TTC39C: variants seen among roughly 807,000 people sequenced by gnomAD.
TTC39C encodes tetratricopeptide repeat domain 39C.
Under a neutral mutation model 76.3 loss-of-function variants are expected in TTC39C, and 33 were observed. The ratio of observed to expected loss-of-function variants is 0.43; its 90% CI spans 0.33 to 0.58. The LOEUF (loss-of-function observed/expected upper bound fraction) is 0.58. Ranked by LOEUF, TTC39C falls within the 20% of genes least tolerant of loss-of-function variation. The pLI is 0.04. For missense variants in TTC39C, 595 were observed against 701.4 expected, an observed-to-expected ratio of 0.85 and a Z score of 1.71; for synonymous variants, 254 against 260.6, an observed-to-expected ratio of 0.97 and a Z score of 0.24.
chr18:24,085,954 A>T lies in TTC39C; in HGVS notation c.984+2873A>T, dbSNP rs143018143. Among the ~76,000 whole-genome samples the T allele has an allele frequency of 3.3e-3, 505 of 152,334 alleles. 2 individuals are homozygous for T. The highest frequency in any genetic ancestry group is 5.4e-3 in the Non-Finnish European group (367 of 68,034). ...TTCATTGCTCTTCCCAGGTATGTGT[A>T]GGACGGTATCAGAAATGACCATGTC... On this transcript the variant is annotated intron_variant, in intron 6 of 13. Coordinates refer to ENST00000317571, the MANE Select transcript of TTC39C (RefSeq NM_001135993.2).
chr18:24,079,096 G>C (rs1393477543), intron 4 of TTC39C, among the ~76,000 whole-genome samples: 1 of 152,194 alleles, frequency 6.6e-6, no homozygotes, highest in Non-Finnish European at 1.5e-5. Flanking sequence ...AAAGGGCCTG[G>C]AAGTCTGACA....
At chr18:24,009,607 A>C (rs1314985242) in intron 1 of TTC39C, among the ~76,000 whole-genome samples, 1 of 152,222 alleles carries the variant, frequency 6.6e-6, no homozygotes, top group Non-Finnish European at 1.5e-5. Flanking sequence ...GAATGAAACT[A>C]TCTGAAGACC....
At chr18:24,104,390 G>A (rs2084718123) in intron 6 of TTC39C, among the ~76,000 whole-genome samples, 1 of 152,052 alleles carries the variant, frequency 6.6e-6, no homozygotes, top group Non-Finnish European at 1.5e-5. Context: ...GGGCTGCCTC[G>A]GGGCCTTTGT....
At chr18:24,109,451 G>C (rs7244219) in intron 6 of TTC39C, among the ~76,000 whole-genome samples, 1 of 152,076 alleles carries the variant, frequency 6.6e-6, no homozygotes, top group African/African-American at 2.4e-5. Context: ...AGTTGGCCTA[G>C]AATTGGGTAG....
intron 8 of TTC39C, among the ~76,000 whole-genome samples, chr18:24,119,061 A>G (rs1294832368): frequency 6.6e-6 from 1 of 152,200 alleles, no homozygotes; most frequent in Non-Finnish European, 1.5e-5. Flanking sequence ...TATTTACAGT[A>G]TAATATTTTA....
intron 6 of TTC39C, among the ~76,000 whole-genome samples, chr18:24,098,940 C>CT (rs2084636137): frequency 6.7e-6 from 1 of 149,436 alleles, no homozygotes; most frequent in Non-Finnish European, 1.5e-5. Context: ...CCCAGGCTTT[C>CT]TTTTTTTAAT....
Position 24,118,149 on chromosome 18 carries a change from A to C in TTC39C, c.1103A>C (p.Asn368Thr), listed in dbSNP as rs746784347. 2.5e-6 allele frequency: 4 copies of C among 1,613,962 alleles called. No individual in the cohort carries two copies. Among genetic ancestry groups the C allele is most frequent in the Non-Finnish European group, 3.4e-6 (4 of 1,179,954 alleles). Reference sequence around the variant, plus strand: ...GGTTGGTGCAGCATGATAGAGCTCAATTTCAAGGATGCATTTGATTCCTTT... The same window carrying C: ...GGTTGGTGCAGCATGATAGAGCTCACTTTCAAGGATGCATTTGATTCCTTT... ...EIGWCSMIEL[N>T]FKDAFDSFER... The change falls in exon 8 of 14, where the codon AAT (asparagine) becomes ACT (threonine). Residue 368 changes from asparagine to threonine, a missense_variant. Transcript: ENST00000317571.
intron 1 of TTC39C, among the ~76,000 whole-genome samples, chr18:24,045,684 A>G (rs2083860035): frequency 6.6e-6 from 1 of 151,826 alleles, no homozygotes. Context: ...AATAGATGAA[A>G]TTTAATTATA....
chr18:23,996,614 C>A (rs2083263295), intron 1 of TTC39C, among the ~76,000 whole-genome samples: 2 of 152,224 alleles, frequency 1.3e-5, no homozygotes, highest in South Asian at 4.1e-4. Flanking sequence ...CATGTGTGCA[C>A]CTGTGCACAT....
chr18:24,135,284 C>T lies in TTC39C; in HGVS notation c.*2710C>T, dbSNP rs1298694339. 1 of 152,252 alleles carries T rather than the reference C, an allele frequency of 6.6e-6. No homozygotes were observed. The highest frequency in any genetic ancestry group is 1.5e-5 in the Non-Finnish European group (1 of 68,040). 9.4% of individuals were successfully genotyped at this position (152,252 alleles called of 1,614,324 possible). On this transcript the variant is annotated 3_prime_UTR_variant, in exon 14 of 14. Transcript: ENST00000317571. Reference sequence around the variant, plus strand: ...TCAAAATGCTTACAGGCATGAACCACTGTGACCGGCCAGGTCTTTTTTTTT... The same window carrying T: ...TCAAAATGCTTACAGGCATGAACCATTGTGACCGGCCAGGTCTTTTTTTTT...
chr18:24,034,860 G>A (rs564560772), intron 1 of TTC39C, among the ~76,000 whole-genome samples: 82 of 152,194 alleles, frequency 5.4e-4, no homozygotes, highest in African/African-American at 1.9e-3. Flanking sequence ...GCCACATTTT[G>A]TTTATCCATT....
At chr18:24,075,162 A>G (rs11661995) in intron 4 of TTC39C, among the ~76,000 whole-genome samples, 2 of 148,060 alleles carry the variant, frequency 1.4e-5, no homozygotes, top group South Asian at 2.2e-4. Flanking sequence ...GGGTGGGGGG[A>G]GTGGGGAGGG....
chr18:24,034,855 AT>A (rs544091886), intron 1 of TTC39C, among the ~76,000 whole-genome samples: 82 of 152,264 alleles, frequency 5.4e-4, no homozygotes, highest in African/African-American at 1.9e-3. Context: ...TATATGCCAC[AT>A]TTTGTTTATC....
intron 8 of TTC39C, 22 bp from the exon 9 acceptor site, chr18:24,123,812 A>T (rs1199425988): frequency 6.4e-7 from 1 of 1,569,084 alleles, no homozygotes; most frequent in Admixed American, 1.8e-5. Flanking sequence ...TACTTAAGAA[A>T]TATAATTATG....
intron 6 of TTC39C, among the ~76,000 whole-genome samples, chr18:24,095,959 G>A (rs1206539507): frequency 6.6e-6 from 1 of 152,160 alleles, no homozygotes; most frequent in Non-Finnish European, 1.5e-5. Context: ...GAGAAAGAAG[G>A]GGGAATGGCT....
intron 1 of TTC39C, among the ~76,000 whole-genome samples, chr18:24,046,031 T>C (rs372559451): frequency 1.3e-3 from 189 of 141,058 alleles, no homozygotes; most frequent in East Asian, 6.9e-3. Context: ...CTCCGCCTCC[T>C]GGGTTCACGC....
chr18:24,123,765 C>T, intron 8 of TTC39C, 69 bp from the exon 9 acceptor site: 2 of 1,077,740 alleles, frequency 1.9e-6, no homozygotes, highest in Non-Finnish European at 2.7e-6. Context: ...CAAGTATCAT[C>T]ACTTCAGGTA....
chr18:24,114,439 A>C, intron 6 of TTC39C, 115 bp from the exon 7 acceptor site: 1 of 764,988 alleles, frequency 1.3e-6, no homozygotes, highest in South Asian at 1.7e-5. Context: ...ACTGTCTTCT[A>C]TATTGCTTAA....
rs557290612 is a variant in TTC39C, at chr18:24,021,081, A to G, written c.167+6043A>G. On this transcript the variant is annotated intron_variant, in intron 1 of 13. Transcript: ENST00000317571. ...TCTCCTTTCCCAGGGTAATCCTCCT[A>G]TTTACCCAGCAGCAGCAGTGGGACT... Among the ~76,000 whole-genome samples the G allele has an allele frequency of 5.3e-5, 8 of 152,236 alleles. No homozygotes were observed. The South Asian group carries it at 1.7e-3, about 32-fold the overall frequency.
Sources: gnomAD v4.1 joint callset for allele counts (sites outside exome capture counted in the v4.1 genomes callset) on GRCh38, gnomAD v4.1.1 for gene constraint, MANE v1.5 for transcripts, NCBI Gene and HGNC (gene_info 2026-07-23, HGNC 2026-07-21) for gene names.